RFTN1: variants seen among roughly 807,000 people sequenced by gnomAD.
RFTN1 encodes the protein raftlin, lipid raft linker 1.
In RFTN1, 26 loss-of-function variants were observed where a neutral mutation model predicts 46.5. The ratio of observed to expected loss-of-function variants is 0.56; its 90% CI spans 0.41 to 0.78. The LOEUF is 0.78. Among genes scored for constraint, RFTN1 ranks in the 30% least tolerant of loss-of-function variants. The probability of loss-of-function intolerance (pLI) is 0.00; values close to 1 mark genes in which losing one functional copy is unlikely to be tolerated. For missense variants in RFTN1, 693 were observed against 718.7 expected (o/e 0.96, Z 0.41); for synonymous variants, 261 against 284.2 (o/e 0.92, Z 0.82).
Position 16,474,515 on chromosome 3 carries a change from C to T in RFTN1, c.145+19210G>A, listed in dbSNP as rs77285489. Among the ~76,000 whole-genome samples the T allele has an allele frequency of 6.1e-3, 933 of 152,240 alleles. 13 individuals are homozygous for T. The highest frequency in any genetic ancestry group is 0.02 in the African/African-American group (821 of 41,532). On this transcript the variant is annotated intron_variant, in intron 2 of 9. Transcript: ENST00000334133. The surrounding 1 kb of genome is among the most constrained non-coding windows in gnomAD (Gnocchi z 5.5). ...ACCAGTACACCCCCAGGAAGCCAGC[C>T]GATTCTCTGGTGATGAGTGATGCTG...
At chr3:16,454,335 T>A (rs2124914106) in intron 2 of RFTN1, among the ~76,000 whole-genome samples, 1 of 152,364 alleles carries the variant, frequency 6.6e-6, no homozygotes, top group African/African-American at 2.4e-5. Flanking sequence ...AAGTGGCAGC[T>A]GGTGAGCACA....
At position 16,413,502 on chromosome 3, in the gene RFTN1, A is replaced by G. The variant is rs934963505; in HGVS notation, c.333-4019T>C. Among the ~76,000 whole-genome samples the G allele has an allele frequency of 6.6e-6, 1 of 152,240 alleles. No homozygotes were observed. The highest frequency in any genetic ancestry group is 1.5e-5 in the Non-Finnish European group (1 of 68,038). On this transcript the variant is annotated intron_variant, in intron 3 of 9. Coordinates refer to ENST00000334133, the MANE Select transcript of RFTN1 (RefSeq NM_015150.2). The surrounding 1 kb of genome is among the most constrained non-coding windows in gnomAD (Gnocchi z 4.7). ...GCTCCCCAAAGGGCCATGTCATTGT[A>G]TCATCCTGGAAAAGAATATGGGAAA...
chr3:16,358,024 C>T lies in RFTN1; in HGVS notation c.1054G>A (p.Gly352Arg). The change falls in exon 7 of 10, where the codon GGA (glycine) becomes AGA (arginine). Residue 352 changes from glycine to arginine, a missense_variant. Gly to Arg is a moderately radical substitution (Grantham distance 125). Coordinates refer to ENST00000334133, the MANE Select transcript of RFTN1 (RefSeq NM_015150.2). ...VNDSLHGLTD[G>R]VFIFEAVSTE... ...GAAACAGCTTCAAAGATGAATACTC[C>T]ATCTGTCAAGCCATGTAAGGAATCT... 1 of 1,496,600 alleles carries T rather than the reference C, an allele frequency of 6.7e-7. No homozygotes were observed. The highest frequency in any genetic ancestry group is 1.4e-5 in the African/African-American group (1 of 70,434). 92.7% of individuals were successfully genotyped at this position (1,496,600 alleles called of 1,614,324 possible). A position where few individuals can be genotyped will look rare whatever the true frequency, so the allele number is the denominator to read the frequency against.
In RFTN1 at chr3:16,316,817, T is replaced by C. The variant is rs371535254; in HGVS notation, c.*11A>G. 8.1e-6 allele frequency: 13 copies of C among 1,613,188 alleles called. No homozygotes were observed. The highest frequency in any genetic ancestry group is 9.3e-6 in the Non-Finnish European group (11 of 1,179,852). ...GCAACTCACCTAGTTTTAGCACAAA[T>C]TGCCCAAGACTCAGTTTTCTTCAAC... is the stretch of plus-strand genomic sequence containing the variant. On this transcript the variant is annotated 3_prime_UTR_variant, in exon 10 of 10. Transcript: ENST00000334133. The surrounding 1 kb of genome is among the most constrained non-coding windows in gnomAD (Gnocchi z 4.5).
Position 16,415,446 on chromosome 3 carries a change from CAT to C in RFTN1, c.333-5965_333-5964del, listed in dbSNP as rs1354251296. Reference sequence around the variant, plus strand: ...ATATATATATACACACACACACACACATATATACTTGAATATATATACTGAAG... The same window carrying C: ...ATATATATATACACACACACACACACATATACTTGAATATATATACTGAAG... On this transcript the variant is annotated intron_variant, in intron 3 of 9. Coordinates refer to ENST00000334133, the MANE Select transcript of RFTN1 (RefSeq NM_015150.2). Among the ~76,000 whole-genome samples the C allele has an allele frequency of 1.4e-4, 16 of 117,950 alleles. 2 individuals are homozygous for C. The highest frequency in any genetic ancestry group is 5.3e-5 in the African/African-American group (2 of 37,564). 77.4% of individuals were successfully genotyped at this position (117,950 alleles called of 152,430 possible).
In RFTN1 at chr3:16,429,384, A is replaced by G. The variant is rs2075343082; in HGVS notation, c.332+4467T>C. Reference sequence around the variant, plus strand: ...GAAAACATTTCATTAGGAGATTTAAATAAACTCTTCCTGCCTCATGCTCAT... The same window carrying G: ...GAAAACATTTCATTAGGAGATTTAAGTAAACTCTTCCTGCCTCATGCTCAT... On this transcript the variant is annotated intron_variant, in intron 3 of 9. Transcript: ENST00000334133. This position sits in a 1 kb window ranked among gnomAD's most constrained non-coding sequence, Gnocchi z 6.4. 6.6e-6 allele frequency among the ~76,000 whole-genome samples: 1 copy of G among 152,236 alleles called. No homozygotes were observed. The highest frequency in any genetic ancestry group is 2.4e-5 in the African/African-American group (1 of 41,456).
Position 16,479,627 on chromosome 3 carries a change from G to T in RFTN1, c.145+14098C>A, listed in dbSNP as rs184538874. Reference sequence around the variant, plus strand: ...AGCAAGCCATGATGGACTGAAGACCGGTGAGCCCATGCTCAGGGCATCTTT... The same window carrying T: ...AGCAAGCCATGATGGACTGAAGACCTGTGAGCCCATGCTCAGGGCATCTTT... On this transcript the variant is annotated intron_variant, in intron 2 of 9. Coordinates refer to ENST00000334133, the MANE Select transcript of RFTN1 (RefSeq NM_015150.2). The surrounding 1 kb of genome is among the most constrained non-coding windows in gnomAD (Gnocchi z 5.1). 1.3e-5 allele frequency among the ~76,000 whole-genome samples: 2 copies of T among 152,196 alleles called. No individual in the cohort carries two copies. Among genetic ancestry groups the T allele is most frequent in the Non-Finnish European group, 2.9e-5 (2 of 68,036 alleles).
intron 2 of RFTN1, 85 bp downstream of exon 2, chr3:16,493,640 C>G: frequency 8.2e-7 from 1 of 1,215,616 alleles, no homozygotes; most frequent in South Asian, 1.5e-5. Context: ...CCACCCCATC[C>G]AGCTCTCCAA....
chr3:16,451,425 T>C lies in RFTN1; in HGVS notation c.146-17388A>G, dbSNP rs542845337. ...ACTTTCTGCTTCATTAGCTGGCTTG[T>C]AGGCTAACCAACAGCTGGCTAGGTG... On this transcript the variant is annotated intron_variant, in intron 2 of 9. Transcript: ENST00000334133. The surrounding 1 kb of genome is among the most constrained non-coding windows in gnomAD (Gnocchi z 4.2). Among the ~76,000 whole-genome samples the C allele has an allele frequency of 2.1e-4, 32 of 152,346 alleles. No individual in the cohort carries two copies. The highest frequency in any genetic ancestry group is 7.2e-4 in the African/African-American group (30 of 41,582).
chr3:16,427,934 C>A lies in RFTN1; in HGVS notation c.332+5917G>T, dbSNP rs1332432861. On this transcript the variant is annotated intron_variant, in intron 3 of 9. Transcript: ENST00000334133. The surrounding 1 kb of genome is among the most constrained non-coding windows in gnomAD (Gnocchi z 5.4). Reference sequence around the variant, plus strand: ...AATGACAGCCGCAGAGCCTCCTCTTCTAAAGCACTCTCATTAACAAATTCC... The same window carrying A: ...AATGACAGCCGCAGAGCCTCCTCTTATAAAGCACTCTCATTAACAAATTCC... Among the ~76,000 whole-genome samples the A allele has an allele frequency of 6.6e-6, 1 of 152,146 alleles. No individual in the cohort carries two copies. Among genetic ancestry groups the A allele is most frequent in the Admixed American group, 6.5e-5 (1 of 15,276 alleles).
chr3:16,492,533 A>G (rs1335498341), intron 2 of RFTN1, among the ~76,000 whole-genome samples: 1 of 152,160 alleles, frequency 6.6e-6, no homozygotes, highest in Non-Finnish European at 1.5e-5. Flanking sequence ...CAGAGCCAGG[A>G]CTCAAATCCA....
rs1167465860 is a variant in RFTN1 at position 16,446,321 on chromosome 3, C to T, written c.146-12284G>A. Among the ~76,000 whole-genome samples the T allele has an allele frequency of 1.3e-5, 2 of 152,014 alleles. No homozygotes were observed. Among genetic ancestry groups the T allele is most frequent in the Admixed American group, 1.3e-4 (2 of 15,284 alleles). ...AAAAAAAAAACTGTGGTAAAATATGCCTAACATCAAATTTATTATTCTAAC... is the reference window on the plus strand; with the variant it reads ...AAAAAAAAAACTGTGGTAAAATATGTCTAACATCAAATTTATTATTCTAAC... On this transcript the variant is annotated intron_variant, in intron 2 of 9. Coordinates refer to ENST00000334133, the MANE Select transcript of RFTN1 (RefSeq NM_015150.2). This position sits in a 1 kb window ranked among gnomAD's most constrained non-coding sequence, Gnocchi z 4.5.
intron 2 of RFTN1, among the ~76,000 whole-genome samples, chr3:16,437,176 A>G (rs1232676694): frequency 6.6e-6 from 1 of 152,210 alleles, no homozygotes; most frequent in Non-Finnish European, 1.5e-5. Flanking sequence ...TGCTATTGGA[A>G]TAATACATTT....
At position 16,509,464 on chromosome 3, in the gene RFTN1, C is replaced by T. The variant is rs555612077; in HGVS notation, c.-9+3978G>A. 3.3e-5 allele frequency among the ~76,000 whole-genome samples: 5 copies of T among 152,238 alleles called. No individual in the cohort carries two copies. Among genetic ancestry groups the T allele is most frequent in the South Asian group, 4.2e-4 (2 of 4,818 alleles). On this transcript the variant is annotated intron_variant, in intron 1 of 9. Coordinates refer to ENST00000334133, the MANE Select transcript of RFTN1 (RefSeq NM_015150.2). This position sits in a 1 kb window ranked among gnomAD's most constrained non-coding sequence, Gnocchi z 4.9. The stretch of plus-strand genomic sequence containing the variant: ...CTGAAGTGAAGATAATATAAGTACT[C>T]GCCTCTCATGAGGATTAAATTCAGA...
intron 3 of RFTN1, among the ~76,000 whole-genome samples, chr3:16,417,522 C>T (rs1286296945): frequency 6.6e-6 from 1 of 152,174 alleles, no homozygotes; most frequent in Non-Finnish European, 1.5e-5. Context: ...TGATAAAAGA[C>T]CCCTATTCTG....
rs1315231189 is a variant in RFTN1 at position 16,475,469 on chromosome 3, T to C, written c.145+18256A>G. Among the ~76,000 whole-genome samples, 1 of 152,152 alleles carries C rather than the reference T, an allele frequency of 6.6e-6. No homozygotes were observed. The highest frequency in any genetic ancestry group is 1.5e-5 in the Non-Finnish European group (1 of 68,028). ...AGATTGCCCCTTGGCTATTTTAGAC[T>C]ACCAATGCCACAGAAACAAAAGGCA... On this transcript the variant is annotated intron_variant, in intron 2 of 9. Coordinates refer to ENST00000334133, the MANE Select transcript of RFTN1 (RefSeq NM_015150.2). The surrounding 1 kb of genome is among the most constrained non-coding windows in gnomAD (Gnocchi z 4.2).
chr3:16,379,664 T>C (rs2073914517), intron 4 of RFTN1, among the ~76,000 whole-genome samples: 1 of 152,184 alleles, frequency 6.6e-6, no homozygotes, highest in South Asian at 2.1e-4. Flanking sequence ...TGTCCACTCA[T>C]ACGCCCCGAG....
intron 7 of RFTN1, chr3:16,349,043 T>G (rs1041173874): frequency 1.3e-5 from 2 of 152,206 alleles, no homozygotes; most frequent in Admixed American, 6.5e-5. Flanking sequence ...CAGGACTCAA[T>G]AATCAGATCA....
chr3:16,349,018 T>C (rs508808), intron 7 of RFTN1, among the ~76,000 whole-genome samples: 110,247 of 152,122 alleles, frequency 0.72, 40,067 homozygotes, highest in Non-Finnish European at 0.75. Flanking sequence ...AGGGTCAAAG[T>C]TTCAGATCAG....
Sources: gnomAD v4.1 joint callset for allele counts (sites outside exome capture counted in the v4.1 genomes callset) on GRCh38, gnomAD v4.1.1 for gene constraint, Gnocchi (gnomAD v3.1) non-coding constraint, MANE v1.5 for transcripts, NCBI Gene and HGNC (gene_info 2026-07-23, HGNC 2026-07-21) for gene names.